The following GFOD2 variants were observed in gnomAD, a reference collection of about 807,000 sequenced individuals.
GFOD2 encodes Gfo/Idh/MocA-like oxidoreductase domain containing 2.
Under a neutral mutation model 24.6 loss-of-function variants are expected in GFOD2, and 9 were observed. The observed-to-expected ratio is 0.37, with a 90% confidence interval of 0.22 to 0.64. The LOEUF (loss-of-function observed/expected upper bound fraction) is 0.64, where lower values mean the gene tolerates loss of function less well. GFOD2 is among the 30% of genes least tolerant of loss of function. The pLI is 0.65. For synonymous variants in GFOD2, 211 were observed against 224.8 expected, an observed-to-expected ratio of 0.94 and a Z score of 0.55; for missense variants, 476 against 532.5, an observed-to-expected ratio of 0.89 and a Z score of 1.04.
At chr16:67,695,087 G>A (rs532858913) in intron 1 of GFOD2, among the ~76,000 whole-genome samples, 81 of 149,080 alleles carry the variant, frequency 5.4e-4, no homozygotes, top group African/African-American at 1.9e-3. Flanking sequence ...TTGCCGCTCC[G>A]GTTCAAGCGA....
chr16:67,715,744 C>T (rs2053501746), intron 1 of GFOD2, among the ~76,000 whole-genome samples: 1 of 152,006 alleles, frequency 6.6e-6, no homozygotes, highest in African/African-American at 2.4e-5. Context: ...ATAGCAAAAT[C>T]TCCAATTCCA....
chr16:67,705,245 T>C (rs1015698161), intron 1 of GFOD2, among the ~76,000 whole-genome samples: 1 of 152,228 alleles, frequency 6.6e-6, no homozygotes, highest in Non-Finnish European at 1.5e-5. Context: ...TCCCACTTTG[T>C]TGCACAGGCT....
At chr16:67,701,319 C>A (rs2142996430) in intron 1 of GFOD2, among the ~76,000 whole-genome samples, 1 of 152,300 alleles carries the variant, frequency 6.6e-6, no homozygotes, top group African/African-American at 2.4e-5. Flanking sequence ...ATGTCTACAG[C>A]AGCTTTATTC....
At chr16:67,683,418 A>G in intron 2 of GFOD2, 1 of 1,229,412 alleles carries the variant, frequency 8.1e-7, no homozygotes, top group Non-Finnish European at 1.0e-6. Flanking sequence ...GATGGCAAGG[A>G]GTCAAGTGAC....
chr16:67,693,265 C>T (rs1024572792), intron 1 of GFOD2, among the ~76,000 whole-genome samples: 1 of 151,364 alleles, frequency 6.6e-6, no homozygotes, highest in Non-Finnish European at 1.5e-5. Flanking sequence ...TCAAATTAGC[C>T]ACCACACCTG....
At chr16:67,688,065 AT>A (rs1284027840) in intron 1 of GFOD2, among the ~76,000 whole-genome samples, 1 of 152,216 alleles carries the variant, frequency 6.6e-6, no homozygotes, top group Non-Finnish European at 1.5e-5. Flanking sequence ...TAGATGTCCA[AT>A]ACAAGTAATG....
chr16:67,682,535 G>A lies in GFOD2; in HGVS notation c.259+2922C>T, dbSNP rs890154287. The A allele has an allele frequency of 1.0e-5, 10 of 985,200 alleles. No homozygotes were observed. The South Asian group carries it at 3.8e-4, about 37-fold the overall frequency. 61.0% of individuals were successfully genotyped at this position (985,200 alleles called of 1,614,324 possible). A position where few individuals can be genotyped will look rare whatever the true frequency, so the allele number is the denominator to read the frequency against. On this transcript the variant is annotated intron_variant, in intron 2 of 2. Transcript: ENST00000268797. ...AGGGCCCTTCCCCTCTCCCCTTTAA[G>A]AAATTCATGGGAAAGCTTTAAGGAT...
chr16:67,695,428 A>G (rs961602030), intron 1 of GFOD2, among the ~76,000 whole-genome samples: 6 of 151,982 alleles, frequency 3.9e-5, no homozygotes, highest in African/African-American at 1.2e-4. Context: ...CTATTTGGTC[A>G]CTGTCTGCTT....
In GFOD2 at chr16:67,689,092, T is replaced by G. The variant is rs1422392816; in HGVS notation, c.-87-3290A>C. On this transcript the variant is annotated intron_variant, in intron 1 of 2. Coordinates refer to ENST00000268797, the MANE Select transcript of GFOD2 (RefSeq NM_030819.4). The stretch of plus-strand genomic sequence containing the variant: ...TCTCACTCTGTTGCCCAGGCTGGAG[T>G]GCAGTGGCGCAATCTCAGCTTACTG... Among the ~76,000 whole-genome samples the G allele has an allele frequency of 2.0e-5, 3 of 149,776 alleles. No individual in the cohort carries two copies. The East Asian group carries it at 6.0e-4, about 30-fold the overall frequency.
At chr16:67,694,697 T>C (rs2053345020) in intron 1 of GFOD2, among the ~76,000 whole-genome samples, 1 of 152,198 alleles carries the variant, frequency 6.6e-6, no homozygotes, top group African/African-American at 2.4e-5. Context: ...TAGTAGGGGA[T>C]GGTTTGTCAG....
intron 1 of GFOD2, among the ~76,000 whole-genome samples, chr16:67,712,042 T>C (rs1436613539): frequency 6.6e-6 from 1 of 152,196 alleles, no homozygotes; most frequent in Non-Finnish European, 1.5e-5. Context: ...GTTTTGTTCA[T>C]TGCTATATCC....
chr16:67,704,947 C>G (rs2053429263), intron 1 of GFOD2, among the ~76,000 whole-genome samples: 1 of 152,186 alleles, frequency 6.6e-6, no homozygotes, highest in South Asian at 2.1e-4. Context: ...TGCCTCAAGG[C>G]TTATTGACAG....
intron 1 of GFOD2, among the ~76,000 whole-genome samples, chr16:67,700,007 G>A (rs2053390224): frequency 6.6e-6 from 1 of 152,088 alleles, no homozygotes. Context: ...CCTGGGAGGT[G>A]GAGGTTGCAG....
Position 67,675,729 on chromosome 16 carries a change from T to G in GFOD2, c.584A>C (p.Glu195Ala). 1 of 1,614,098 alleles carries G rather than the reference T, an allele frequency of 6.2e-7. No homozygotes were observed. Among genetic ancestry groups the G allele is most frequent in the Non-Finnish European group, 8.5e-7 (1 of 1,180,032 alleles). ...LLTHLTGRRA[E>A]KVHGLLKTFV... Reference sequence around the variant, plus strand: ...TGTCTTGAGCAGCCCGTGCACCTTCTCGGCTCTCCGGCCGGTCAGGTGGGT... The same window carrying G: ...TGTCTTGAGCAGCCCGTGCACCTTCGCGGCTCTCCGGCCGGTCAGGTGGGT... The change falls in exon 3 of 3, where the codon GAG (glutamate) becomes GCG (alanine). Residue 195 changes from glutamate (E) to alanine (A), a missense_variant. Transcript: ENST00000268797.
intron 2 of GFOD2, chr16:67,682,593 C>T (rs1418867098): frequency 1.0e-6 from 1 of 985,170 alleles, no homozygotes; most frequent in Non-Finnish European, 1.2e-6. Context: ...GAACATAGGT[C>T]AGACCAAAGC....
At chr16:67,715,207 C>T (rs1333354774) in intron 1 of GFOD2, among the ~76,000 whole-genome samples, 4 of 152,072 alleles carry the variant, frequency 2.6e-5, no homozygotes, top group Non-Finnish European at 5.9e-5. Flanking sequence ...TACAGGGACC[C>T]GCCATCACAC....
At chr16:67,691,921 T>C (rs1292124909) in intron 1 of GFOD2, among the ~76,000 whole-genome samples, 4 of 152,182 alleles carry the variant, frequency 2.6e-5, no homozygotes, top group South Asian at 2.1e-4. Flanking sequence ...GTGCTACTGA[T>C]AGTGATACAG....
At chr16:67,681,504 G>T in intron 2 of GFOD2, 2 of 749,884 alleles carry the variant, frequency 2.7e-6, no homozygotes, top group Non-Finnish European at 3.2e-6. Context: ...CGCTTCCTGG[G>T]CTCAAGCTAA....
intron 1 of GFOD2, among the ~76,000 whole-genome samples, chr16:67,706,579 G>A (rs1332653535): frequency 6.6e-6 from 1 of 152,124 alleles, no homozygotes; most frequent in African/African-American, 2.4e-5. Context: ...AGACCTAAAT[G>A]TAGAAGCCAG....
Sources: gnomAD v4.1 joint callset for allele counts (sites outside exome capture counted in the v4.1 genomes callset) on GRCh38, gnomAD v4.1.1 for gene constraint, MANE v1.5 for transcripts, NCBI Gene and HGNC (gene_info 2026-07-23, HGNC 2026-07-21) for gene names.